ELL: variants seen among roughly 807,000 people sequenced by gnomAD.
ELL encodes RNA polymerase II elongation factor ELL.
In ELL, 18 loss-of-function variants were observed where a neutral mutation model predicts 64.0. The observed-to-expected ratio is 0.28, with a 90% confidence interval of 0.19 to 0.42. The LOEUF (loss-of-function observed/expected upper bound fraction) is 0.42, where lower values mean the gene tolerates loss of function less well. Among genes scored for constraint, ELL ranks in the 10% least tolerant of loss-of-function variants. The pLI is 1.00. For synonymous variants in ELL, 399 were observed against 376.2 expected (o/e 1.06, Z -0.70); for missense variants, 797 against 870.4 (o/e 0.92, Z 1.06).
intron 1 of ELL, among the ~76,000 whole-genome samples, chr19:18,503,074 C>G (rs1461297525): frequency 6.6e-6 from 1 of 152,242 alleles, no homozygotes; most frequent in Non-Finnish European, 1.5e-5. Context: ...TAAAGTGGCA[C>G]TTTACAGCTG....
intron 2 of ELL, among the ~76,000 whole-genome samples, chr19:18,469,786 G>A (rs1471365029): frequency 2.6e-5 from 4 of 152,138 alleles, no homozygotes; most frequent in South Asian, 2.1e-4. Flanking sequence ...TTCCACCACC[G>A]CTCAAGTCCC....
intron 1 of ELL, among the ~76,000 whole-genome samples, chr19:18,497,815 C>CAAAAAAAA (rs58521941): frequency 5.5e-5 from 3 of 54,220 alleles, no homozygotes; most frequent in African/African-American, 2.0e-4. Context: ...GATCTCATCT[C>CAAAAAAAA]AAAAAAAAAA....
chr19:18,489,251 C>T (rs560401191), intron 1 of ELL, among the ~76,000 whole-genome samples: 3 of 152,172 alleles, frequency 2.0e-5, no homozygotes, highest in East Asian at 3.8e-4. Flanking sequence ...CAGGTGTGAG[C>T]GAGGGGGCGT....
At chr19:18,506,354 C>A (rs1255321703) in intron 1 of ELL, among the ~76,000 whole-genome samples, 1 of 152,256 alleles carries the variant, frequency 6.6e-6, no homozygotes, top group Non-Finnish European at 1.5e-5. Context: ...TGCTTCAGAG[C>A]AGACTGTGGC....
intron 1 of ELL, among the ~76,000 whole-genome samples, chr19:18,485,178 C>T (rs1312547311): frequency 6.6e-6 from 1 of 152,154 alleles, no homozygotes; most frequent in Non-Finnish European, 1.5e-5. Flanking sequence ...GGTCCCAAAC[C>T]CCATTCACCT....
At chr19:18,521,849 C>T (rs896547099) in intron 1 of ELL, 72 bp downstream of exon 1, 30 of 1,510,862 alleles carry the variant, frequency 2.0e-5, no homozygotes, top group Non-Finnish European at 2.6e-5. Context: ...CCGGACGCCT[C>T]AGTGAGGGGA....
chr19:18,479,633 C>T (rs959057608), intron 1 of ELL, among the ~76,000 whole-genome samples: 10 of 141,836 alleles, frequency 7.1e-5, no homozygotes, highest in African/African-American at 2.2e-4. Flanking sequence ...TGCTTGAACC[C>T]GGTAGGCGGA....
Position 18,444,658 on chromosome 19 carries a change from A to C in ELL, c.*94T>G. Reference sequence around the variant, plus strand: ...AAAGCCGGCGGTGCTGGCTCAGATGAGCATCTTCCTCGGGTTTATTTTTTT... The same window carrying C: ...AAAGCCGGCGGTGCTGGCTCAGATGCGCATCTTCCTCGGGTTTATTTTTTT... On this transcript the variant is annotated 3_prime_UTR_variant, in exon 12 of 12. Coordinates refer to ENST00000262809, the MANE Select transcript of ELL (RefSeq NM_006532.4). 1 of 1,349,924 alleles carries C rather than the reference A, an allele frequency of 7.4e-7. No homozygotes were observed. Among genetic ancestry groups the C allele is most frequent in the Non-Finnish European group, 1.0e-6 (1 of 991,906 alleles). The allele number at this position is 1,349,924 out of a possible 1,614,324, so 83.6% of individuals were successfully genotyped here.
chr19:18,486,596 C>T (rs868056660), intron 1 of ELL, among the ~76,000 whole-genome samples: 5 of 152,226 alleles, frequency 3.3e-5, no homozygotes, highest in African/African-American at 1.2e-4. Context: ...AGAAACCACG[C>T]CCTTTCACGG....
In ELL at chr19:18,444,838, G is replaced by A. The variant is rs997775490; in HGVS notation, c.1780C>T (p.Arg594Cys). The A allele has an allele frequency of 1.2e-6, 2 of 1,612,112 alleles. No homozygotes were observed. Among genetic ancestry groups the A allele is most frequent in the Non-Finnish European group, 1.7e-6 (2 of 1,179,912 alleles). ...TNTNYSQEKH[R>C]CEYLHSKLAH... Reference sequence around the variant, plus strand: ...AGCTTGCTGTGCAGGTACTCGCAGCGGTGCTTCTCCTGGCTGTAGTTGGTG... The same window carrying A: ...AGCTTGCTGTGCAGGTACTCGCAGCAGTGCTTCTCCTGGCTGTAGTTGGTG... Residue 594 changes from arginine to cysteine, a missense_variant, in exon 12 of 12, where the codon CGC becomes TGC. Physicochemically the swap from Arg to Cys is radical, Grantham distance 180. Coordinates refer to ENST00000262809, the MANE Select transcript of ELL (RefSeq NM_006532.4).
chr19:18,453,003 G>A (rs1974570813), intron 6 of ELL, among the ~76,000 whole-genome samples: 1 of 152,266 alleles, frequency 6.6e-6, no homozygotes, highest in East Asian at 1.9e-4. Context: ...GGGCGCCCAT[G>A]GCTCACGCCT....
chr19:18,454,863 T>C (rs959279564), intron 6 of ELL, among the ~76,000 whole-genome samples: 1 of 93,000 alleles, frequency 1.1e-5, no homozygotes, highest in Non-Finnish European at 2.1e-5. Context: ...AAAAAAGGCA[T>C]CCTGGCTGGG....
chr19:18,521,894 T>G (rs1419016601), intron 1 of ELL, 27 bp downstream of exon 1: 2 of 1,559,340 alleles, frequency 1.3e-6, no homozygotes, highest in Non-Finnish European at 1.7e-6. Flanking sequence ...CGTTCCCCAC[T>G]GGCGCGCCGG....
At chr19:18,476,570 A>G (rs1336873980) in intron 1 of ELL, among the ~76,000 whole-genome samples, 3 of 152,078 alleles carry the variant, frequency 2.0e-5, no homozygotes, top group African/African-American at 7.2e-5. Flanking sequence ...GTCACCTTCA[A>G]GACTCCTTTC....
rs1974356989 is a variant in ELL at position 18,444,152 on chromosome 19, G to A, written c.*600C>T. The A allele has an allele frequency of 4.3e-6, 1 of 230,790 alleles. No homozygotes were observed. Among genetic ancestry groups the A allele is most frequent in the Non-Finnish European group, 8.6e-6 (1 of 116,544 alleles). 14.3% of individuals were successfully genotyped at this position (230,790 alleles called of 1,614,324 possible). On this transcript the variant is annotated 3_prime_UTR_variant, in exon 12 of 12. Coordinates refer to ENST00000262809, the MANE Select transcript of ELL (RefSeq NM_006532.4). The stretch of plus-strand genomic sequence containing the variant: ...CACCCTGTTTGCTTGCTGGAGCAGA[G>A]ACCCTGCCCAAGGAGGAGAGGCTGG...
At chr19:18,462,381 G>C (rs1470605867) in intron 4 of ELL, among the ~76,000 whole-genome samples, 1 of 86,038 alleles carries the variant, frequency 1.2e-5, no homozygotes, top group Non-Finnish European at 2.2e-5. Flanking sequence ...GGGGGGCGGG[G>C]GGGGAAGGAT....
intron 6 of ELL, among the ~76,000 whole-genome samples, chr19:18,452,250 G>A (rs903545046): frequency 2.6e-5 from 4 of 151,928 alleles, no homozygotes; most frequent in Non-Finnish European, 2.9e-5. Flanking sequence ...TTCAATTCCC[G>A]GGGGCTGTGC....
At chr19:18,472,662 T>C in intron 2 of ELL, 173 bp downstream of exon 2, 1 of 739,478 alleles carries the variant, frequency 1.4e-6, no homozygotes, top group South Asian at 1.9e-5. Context: ...CGACACGTCC[T>C]GGTGTGGCCC....
At chr19:18,451,036 A>G in intron 7 of ELL, 61 bp from the exon 8 acceptor site, 1 of 1,465,282 alleles carries the variant, frequency 6.8e-7, no homozygotes, top group Non-Finnish European at 9.0e-7. Context: ...GCAACAGGCA[A>G]TCCCCTGGCC....
Sources: gnomAD v4.1 joint callset for allele counts (sites outside exome capture counted in the v4.1 genomes callset) on GRCh38, gnomAD v4.1.1 for gene constraint, MANE v1.5 for transcripts, NCBI Gene and HGNC (gene_info 2026-07-23, HGNC 2026-07-21) for gene names.